BMPR2: variants seen among roughly 807,000 people sequenced by gnomAD.
The protein encoded by BMPR2 is bone morphogenetic protein receptor type-2.
Under a neutral mutation model 100.8 loss-of-function variants are expected in BMPR2, and 29 were observed. The ratio of observed to expected loss-of-function variants is 0.29; its 90% CI spans 0.21 to 0.39. BMPR2 has a LOEUF of 0.39. BMPR2 is among the 10% of genes least tolerant of loss of function. The pLI, the probability that BMPR2 is intolerant of heterozygous loss-of-function variation, is 1.00. For synonymous variants in BMPR2, 382 were observed against 442.3 expected, an observed-to-expected ratio of 0.86 and a Z score of 1.71; for missense variants, 1,011 against 1,274.5, an observed-to-expected ratio of 0.79 and a Z score of 3.15.
At chr2:202,504,151 C>T (rs963232311) in intron 3 of BMPR2, among the ~76,000 whole-genome samples, 2 of 152,126 alleles carry the variant, frequency 1.3e-5, no homozygotes, top group South Asian at 2.1e-4. Context: ...ATCAGCAGGA[C>T]GTGGGTGGGG....
At chr2:202,484,455 A>G (rs1431815627) in intron 3 of BMPR2, among the ~76,000 whole-genome samples, 2 of 150,236 alleles carry the variant, frequency 1.3e-5, no homozygotes, top group Non-Finnish European at 3.0e-5. Context: ...CGGGTGGATC[A>G]TGAGGTCAGG....
At chr2:202,476,997 C>G (rs1692564512) in intron 3 of BMPR2, among the ~76,000 whole-genome samples, 1 of 149,722 alleles carries the variant, frequency 6.7e-6, no homozygotes, top group Non-Finnish European at 1.5e-5. Context: ...TAAGGTTTCA[C>G]TTGATTGTTT....
intron 1 of BMPR2, among the ~76,000 whole-genome samples, chr2:202,398,822 T>C (rs769839044): frequency 3.3e-5 from 5 of 152,162 alleles, no homozygotes; most frequent in African/African-American, 1.2e-4. Flanking sequence ...ATGGCACTTA[T>C]GTACTTGTTA....
intron 2 of BMPR2, among the ~76,000 whole-genome samples, chr2:202,467,246 A>G (rs934819111): frequency 6.6e-6 from 1 of 152,330 alleles, no homozygotes; most frequent in African/African-American, 2.4e-5. Context: ...CTGGGCAACA[A>G]GAGTGAAACT....
intron 2 of BMPR2, among the ~76,000 whole-genome samples, chr2:202,466,380 G>A (rs1476790934): frequency 1.3e-5 from 2 of 151,690 alleles, no homozygotes; most frequent in Non-Finnish European, 1.5e-5. Flanking sequence ...TCCGCCTCCC[G>A]GGTTCAAGCG....
Position 202,508,319 on chromosome 2 carries a change from C to G in BMPR2, c.419-5400C>G, listed in dbSNP as rs965551570. Reference sequence around the variant, plus strand: ...TGTTGGTCAGGCTAGTCTCAAACTCCTGACCTCGTGATCCACCCGCCTGGG... The same window carrying G: ...TGTTGGTCAGGCTAGTCTCAAACTCGTGACCTCGTGATCCACCCGCCTGGG... On this transcript the variant is annotated intron_variant, in intron 3 of 12. Transcript: ENST00000374580. Among the ~76,000 whole-genome samples the G allele has an allele frequency of 1.2e-4, 18 of 151,958 alleles. No homozygotes were observed. The South Asian group carries it at 2.1e-3, about 18-fold the overall frequency.
At chr2:202,529,373 T>A (rs927464345) in intron 7 of BMPR2, among the ~76,000 whole-genome samples, 1 of 152,202 alleles carries the variant, frequency 6.6e-6, no homozygotes, top group Non-Finnish European at 1.5e-5. Context: ...AAAATTAAAA[T>A]GAGTACAGAG....
intron 9 of BMPR2, among the ~76,000 whole-genome samples, chr2:202,536,597 G>T (rs892385923): frequency 1.3e-5 from 2 of 151,664 alleles, no homozygotes; most frequent in African/African-American, 2.4e-5. Flanking sequence ...TTTTGGCCGG[G>T]TGCGGTGGCT....
At chr2:202,463,375 A>G (rs1447464050) in intron 1 of BMPR2, among the ~76,000 whole-genome samples, 3 of 152,228 alleles carry the variant, frequency 2.0e-5, no homozygotes, top group Non-Finnish European at 4.4e-5. Context: ...ATAAAAGACC[A>G]GCATCTACAA....
intron 1 of BMPR2, among the ~76,000 whole-genome samples, chr2:202,434,334 T>C (rs778371402): frequency 6.6e-6 from 1 of 150,516 alleles, no homozygotes; most frequent in Non-Finnish European, 1.5e-5. Context: ...CAAAGCAAAA[T>C]GGACTGGTCA....
chr2:202,425,791 A>G (rs1229872438), intron 1 of BMPR2, among the ~76,000 whole-genome samples: 2 of 152,214 alleles, frequency 1.3e-5, no homozygotes, highest in Admixed American at 6.5e-5. Context: ...CTAAAAAAGA[A>G]TTTATTTAAA....
chr2:202,412,781 A>C (rs562556920), intron 1 of BMPR2, among the ~76,000 whole-genome samples: 21 of 152,244 alleles, frequency 1.4e-4, no homozygotes, highest in Non-Finnish European at 2.5e-4. Context: ...TATTTTAGAC[A>C]TTTTTTTGTG....
chr2:202,395,147 G>C (rs1690634763), intron 1 of BMPR2, among the ~76,000 whole-genome samples: 2 of 152,178 alleles, frequency 1.3e-5, no homozygotes, highest in Admixed American at 1.3e-4. Context: ...CTCCCAAAGT[G>C]CTGGGATTAC....
chr2:202,483,419 T>G (rs1229478020), intron 3 of BMPR2, among the ~76,000 whole-genome samples: 1 of 151,916 alleles, frequency 6.6e-6, no homozygotes, highest in African/African-American at 2.4e-5. Context: ...TCTCACTCTG[T>G]TGCCCAGGCT....
chr2:202,410,596 C>G (rs1690993355), intron 1 of BMPR2, among the ~76,000 whole-genome samples: 1 of 151,908 alleles, frequency 6.6e-6, no homozygotes, highest in African/African-American at 2.4e-5. Flanking sequence ...AGCTAGCTAT[C>G]TGAGACAGTC....
At chr2:202,516,412 C>G (rs7565875) in intron 5 of BMPR2, among the ~76,000 whole-genome samples, 1 of 152,166 alleles carries the variant, frequency 6.6e-6, no homozygotes, top group Admixed American at 6.5e-5. Context: ...GTGACTCACA[C>G]CTGTAATCCC....
chr2:202,484,171 G>A (rs1279459342), intron 3 of BMPR2, among the ~76,000 whole-genome samples: 1 of 152,126 alleles, frequency 6.6e-6, no homozygotes, highest in Non-Finnish European at 1.5e-5. Context: ...ATTTTAAGTC[G>A]GGAAGCATCT....
chr2:202,525,997 CTGGGATT>C (rs1323761078), intron 7 of BMPR2, among the ~76,000 whole-genome samples: 1 of 151,002 alleles, frequency 6.6e-6, no homozygotes, highest in African/African-American at 2.4e-5. Context: ...TCCCGAGTAG[CTGGGATT>C]ACAGGCATGC....
rs943709988 is a variant in BMPR2 at position 202,521,806 on chromosome 2, G to T, written c.967+1605G>T. On this transcript the variant is annotated intron_variant, in intron 7 of 12. Coordinates refer to ENST00000374580, the MANE Select transcript of BMPR2 (RefSeq NM_001204.7). ...CATTGCATTCTCTTCCCTGTACTTT[G>T]TGATGAGAAACAAATAAATTAATTT... Among the ~76,000 whole-genome samples, 6 of 152,188 alleles carry T rather than the reference G, an allele frequency of 3.9e-5. No individual in the cohort carries two copies. The South Asian group carries it at 1.0e-3, about 26-fold the overall frequency.
Sources: allele counts gnomAD v4.1 joint callset (sites outside exome capture counted in the v4.1 genomes callset), GRCh38; gene constraint gnomAD v4.1.1; transcripts MANE v1.5; gene names NCBI Gene and HGNC (gene_info 2026-07-23, HGNC 2026-07-21).